Variants in TAFA1 observed in about 807,000 individuals in gnomAD.
The protein encoded by TAFA1 is chemokine-like protein TAFA-1.
A neutral mutation model predicts 18.5 loss-of-function variants in TAFA1; 4 were observed. That is an observed-to-expected ratio of 0.22 (90% CI 0.11 to 0.49). TAFA1 has a LOEUF of 0.49. TAFA1 is among the 20% of genes least tolerant of loss of function. The probability of loss-of-function intolerance (pLI) is 0.98; values close to 1 mark genes in which losing one functional copy is unlikely to be tolerated. For missense variants in TAFA1, 147 were observed against 169.0 expected (o/e 0.87, Z 0.72); for synonymous variants, 56 against 55.2 (o/e 1.01, Z -0.06).
chr3:68,036,852 G>C (rs1336882074), intron 2 of TAFA1, among the ~76,000 whole-genome samples: 3 of 152,186 alleles, frequency 2.0e-5, no homozygotes, highest in Non-Finnish European at 4.4e-5. Flanking sequence ...TTCGTTGCCA[G>C]GGATTTTGAA....
chr3:68,047,082 T>A (rs1421357852), intron 2 of TAFA1, among the ~76,000 whole-genome samples: 1 of 152,224 alleles, frequency 6.6e-6, no homozygotes, highest in Non-Finnish European at 1.5e-5. Flanking sequence ...AGTTGAGCTT[T>A]ATCTGCTCAA....
chr3:68,220,149 T>C (rs1170317406), intron 2 of TAFA1, among the ~76,000 whole-genome samples: 1 of 152,194 alleles, frequency 6.6e-6, no homozygotes, highest in Non-Finnish European at 1.5e-5. Context: ...GAAAAGAATG[T>C]CACTTAGCTT....
chr3:68,370,544 T>A, intron 2 of TAFA1, among the ~76,000 whole-genome samples: 1 of 110,618 alleles, frequency 9.0e-6, no homozygotes. Context: ...GAGCCTGAAG[T>A]TAACCAGAGT....
upstream of TAFA1, among the ~76,000 whole-genome samples, chr3:68,000,474 T>G (rs1351956): frequency 0.97 from 148,078 of 152,352 alleles, 71,978 homozygotes; most frequent in African/African-American, 0.98. Flanking sequence ...GGATCCAAGA[T>G]AAGAGCCTAG....
At chr3:68,231,000 G>A (rs1245401848) in intron 2 of TAFA1, among the ~76,000 whole-genome samples, 1 of 152,090 alleles carries the variant, frequency 6.6e-6, no homozygotes, top group Non-Finnish European at 1.5e-5. Context: ...ATTATTTACT[G>A]AGTGCCTTCT....
intron 3 of TAFA1, among the ~76,000 whole-genome samples, chr3:68,465,870 C>A (rs529743083): frequency 6.6e-6 from 1 of 151,980 alleles, no homozygotes; most frequent in Non-Finnish European, 1.5e-5. Context: ...GAATAAGTTA[C>A]CAAAAGAAGA....
At chr3:68,379,408 C>T (rs1473919965) in intron 2 of TAFA1, among the ~76,000 whole-genome samples, 1 of 152,168 alleles carries the variant, frequency 6.6e-6, no homozygotes, top group African/African-American at 2.4e-5. Flanking sequence ...TTGTCAGATG[C>T]ACAGTTTGCA....
At chr3:68,500,051 G>A (rs1036697663) in intron 3 of TAFA1, among the ~76,000 whole-genome samples, 1 of 151,904 alleles carries the variant, frequency 6.6e-6, no homozygotes, top group African/African-American at 2.4e-5. Context: ...CCATCTTTTG[G>A]TTGTGCCTTC....
chr3:68,046,128 T>G (rs1327836486), intron 2 of TAFA1, among the ~76,000 whole-genome samples: 1 of 152,210 alleles, frequency 6.6e-6, no homozygotes, highest in East Asian at 1.9e-4. Flanking sequence ...TACTTACTTT[T>G]GCAACTGCAG....
In TAFA1 at chr3:68,173,598, G is replaced by A. The variant is rs948092993; in HGVS notation, c.118+166854G>A. 2.6e-5 allele frequency among the ~76,000 whole-genome samples: 4 copies of A among 152,282 alleles called. No individual in the cohort carries two copies. In the East Asian group the frequency reaches 7.7e-4, roughly 29 times the overall value. ...ACTTCAAACACTTAAGAAACTTGAA[G>A]AATTCAAGACTTATTTTCCTATGAG... On this transcript the variant is annotated intron_variant, in intron 2 of 4. Transcript: ENST00000478136.
chr3:68,211,143 C>T (rs746639853), intron 2 of TAFA1, among the ~76,000 whole-genome samples: 7 of 151,934 alleles, frequency 4.6e-5, no homozygotes, highest in Middle Eastern at 6.3e-3. Context: ...GACCTAGCCT[C>T]GAAATCATGC....
intron 2 of TAFA1, among the ~76,000 whole-genome samples, chr3:68,260,333 G>T (rs948955869): frequency 6.6e-6 from 1 of 151,932 alleles, no homozygotes; most frequent in Non-Finnish European, 1.5e-5. Flanking sequence ...TGCTGAATTT[G>T]GTTTGCCAGT....
intron 2 of TAFA1, among the ~76,000 whole-genome samples, chr3:68,071,638 C>T (rs1575601089): frequency 6.6e-6 from 1 of 152,102 alleles, no homozygotes; most frequent in Non-Finnish European, 1.5e-5. Flanking sequence ...GCCTCAGTTC[C>T]CCCTCTGTAT....
intron 2 of TAFA1, among the ~76,000 whole-genome samples, chr3:68,259,463 A>G (rs2067366193): frequency 6.6e-6 from 1 of 152,164 alleles, no homozygotes; most frequent in African/African-American, 2.4e-5. Context: ...GTTTTTTCCA[A>G]TTATGTGAAG....
At chr3:67,997,602 G>C in the TAFA1 span, among the ~76,000 whole-genome samples, 3 of 152,102 alleles carry the variant, frequency 2.0e-5, no homozygotes, top group African/African-American at 7.2e-5. Context: ...AGAATAATCA[G>C]CTATATTAAC....
chr3:68,066,635 G>C (rs2064682303), intron 2 of TAFA1, among the ~76,000 whole-genome samples: 2 of 152,310 alleles, frequency 1.3e-5, no homozygotes, highest in East Asian at 3.9e-4. Context: ...TGTAGGTTGA[G>C]ATACAGTAGA....
upstream of TAFA1, among the ~76,000 whole-genome samples, chr3:68,004,036 TTTTCTTG>T (rs1704316776): frequency 6.6e-6 from 1 of 152,238 alleles, no homozygotes; most frequent in Non-Finnish European, 1.5e-5. Context: ...CAGAATGCTT[TTTTCTTG>T]TTTCTCCTTC....
intron 2 of TAFA1, among the ~76,000 whole-genome samples, chr3:68,016,336 C>T (rs1317895722): frequency 3.9e-5 from 6 of 152,116 alleles, no homozygotes; most frequent in East Asian, 3.8e-4. Flanking sequence ...ATATTTTTAC[C>T]GTACCTTTTC....
intron 2 of TAFA1, among the ~76,000 whole-genome samples, chr3:68,099,022 CTT>C (rs1464181189): frequency 6.6e-6 from 1 of 152,086 alleles, no homozygotes; most frequent in African/African-American, 2.4e-5. Context: ...GAATTAAAGA[CTT>C]AAATTTAGGA....
Sources: allele counts gnomAD v4.1 joint callset (sites outside exome capture counted in the v4.1 genomes callset), GRCh38; gene constraint gnomAD v4.1.1; transcripts MANE v1.5; gene names NCBI Gene and HGNC (gene_info 2026-07-23, HGNC 2026-07-21).